The following DIPK2B variants were observed in gnomAD, a reference collection of about 807,000 sequenced individuals.
The protein encoded by DIPK2B is divergent protein kinase domain 2B, also known as UPF0672 protein CXorf36.
In DIPK2B, 15 loss-of-function variants were observed where a neutral mutation model predicts 22.2. The observed-to-expected ratio is 0.68, with a 90% CI of 0.45 to 1.04. The LOEUF (loss-of-function observed/expected upper bound fraction) is 1.04. DIPK2B is among the 50% of genes least tolerant of loss of function. DIPK2B has a pLI of 0.00. For synonymous variants in DIPK2B, 163 were observed against 153.2 expected (o/e 1.06, Z -0.47); for missense variants, 345 against 348.3 (o/e 0.99, Z 0.08).
intron 2 of DIPK2B, among the ~76,000 whole-genome samples, chrX:45,187,938 T>C (rs2047192663): frequency 9.0e-6 from 1 of 111,168 alleles, no homozygotes; most frequent in Non-Finnish European, 1.9e-5. Flanking sequence ...TAGATCCCAG[T>C]TGGAAAACGG....
chrX:45,190,193 T>C (rs1016681473), intron 2 of DIPK2B, among the ~76,000 whole-genome samples: 7 of 112,269 alleles, frequency 6.2e-5, no homozygotes, highest in Admixed American at 1.9e-4. Flanking sequence ...TTTTCTGTCA[T>C]TTGAGAAATA....
At chrX:45,173,513 T>C (rs1309016904) in intron 2 of DIPK2B, among the ~76,000 whole-genome samples, 2 of 75,308 alleles carry the variant, frequency 2.7e-5, no homozygotes, top group African/African-American at 1.5e-4. Flanking sequence ...CTTTCTTTCT[T>C]TTTCTTTCTT....
chrX:45,172,372 A>G (rs1047562869), intron 2 of DIPK2B, among the ~76,000 whole-genome samples: 1 of 111,621 alleles, frequency 9.0e-6, no homozygotes, highest in African/African-American at 3.3e-5. Context: ...ACGTAGCAGT[A>G]GCCCAGGTCA....
At chrX:45,173,930 C>T (rs2047102121) in intron 2 of DIPK2B, among the ~76,000 whole-genome samples, 1 of 111,420 alleles carries the variant, frequency 9.0e-6, no homozygotes, top group African/African-American at 3.3e-5. Flanking sequence ...TGCCCTCATT[C>T]CTCTGCACCC....
chrX:45,155,428 A>AT (rs2148333451), intron 3 of DIPK2B, among the ~76,000 whole-genome samples: 1 of 83,459 alleles, frequency 1.2e-5, no homozygotes, highest in Non-Finnish European at 2.3e-5. Context: ...GTCTCAAAAA[A>AT]AAAATATATA....
chrX:45,183,441 C>A (rs1057333094), intron 2 of DIPK2B: 2 of 111,991 alleles, frequency 1.8e-5, no homozygotes, highest in African/African-American at 6.5e-5. Context: ...CATGAAAATC[C>A]ATTTCTGATA....
rs1297948431 is a variant in DIPK2B, at chrX:45,157,853, C to T, written c.534G>A (p.Gln178=). 1 of 1,164,616 alleles carries T rather than the reference C, an allele frequency of 8.6e-7. No homozygotes were observed. The highest frequency in any genetic ancestry group is 1.9e-5 in the South Asian group (1 of 52,545). The change falls in exon 3 of 5, where the codon CAG becomes CAA. Residue 178 remains glutamine (Q), a synonymous_variant. Coordinates refer to ENST00000398000, the MANE Select transcript of DIPK2B (RefSeq NM_176819.4). The part of the protein sequence containing the change: ...LASPLLRCPS[Q]RLLDRVVRRY... ...GCCTGACCACGCGATCCAGGAGTCG[C>T]TGCGAAGGGCAGCGCAGGAGCGGGC...
In DIPK2B at chrX:45,154,136, G is replaced by A. The variant is rs758307048; in HGVS notation, c.735C>T (p.Leu245=). The A allele has an allele frequency of 1.2e-5, 15 of 1,208,305 alleles. No individual in the cohort carries two copies. The highest frequency in any genetic ancestry group is 8.9e-5 in the East Asian group (3 of 33,707). The change falls in exon 4 of 5, where the codon CTC becomes CTT. Residue 245 remains leucine (L), a synonymous_variant. Coordinates refer to ENST00000398000, the MANE Select transcript of DIPK2B (RefSeq NM_176819.4). The part of the protein sequence containing the change: ...PKYLGSCGRF[L]VSTSTRPLQE... The stretch of plus-strand genomic sequence containing the variant: ...GCAGCGGTCTGGTGCTGGTGCTGAC[G>A]AGGAATCTGCCACAGGAGCCCAGGT...
At chrX:45,153,487 T>A (rs948452066) in intron 4 of DIPK2B, among the ~76,000 whole-genome samples, 1 of 101,110 alleles carries the variant, frequency 9.9e-6, no homozygotes, top group African/African-American at 3.8e-5. Flanking sequence ...TGTGTGTGTG[T>A]GTGTGTGTGT....
intron 3 of DIPK2B, among the ~76,000 whole-genome samples, chrX:45,155,961 C>CTTTTTTTTTTTTTTTTTTTTTTTTTTT (rs757375184): frequency 1.8e-5 from 1 of 55,255 alleles, no homozygotes. Flanking sequence ...AAGGGGACCT[C>CTTTTTTTTTTTTTTTTTTTTTTTTTTT]TTTTTTTTTT....
intron 1 of DIPK2B, among the ~76,000 whole-genome samples, chrX:45,196,735 G>C (rs954569566): frequency 9.0e-6 from 1 of 110,525 alleles, no homozygotes; most frequent in African/African-American, 3.3e-5. Context: ...TGACCAACCA[G>C]ATCATGGGAG....
chrX:45,165,890 G>A (rs1002005482), intron 2 of DIPK2B, among the ~76,000 whole-genome samples: 7 of 111,291 alleles, frequency 6.3e-5, no homozygotes, highest in African/African-American at 2.0e-4. Context: ...ACATTAGTAC[G>A]TATCATTGTC....
At chrX:45,170,296 G>A (rs767430774) in intron 2 of DIPK2B, among the ~76,000 whole-genome samples, 57 of 107,951 alleles carry the variant, frequency 5.3e-4, no homozygotes, top group African/African-American at 1.9e-3. Flanking sequence ...GAAAGAGGAT[G>A]CCCCAGCCCA....
chrX:45,172,351 G>C (rs772435347), intron 2 of DIPK2B, among the ~76,000 whole-genome samples: 2 of 111,629 alleles, frequency 1.8e-5, no homozygotes, highest in Non-Finnish European at 3.8e-5. Flanking sequence ...ACAGTGTCAT[G>C]CATGGTATCT....
intron 2 of DIPK2B, among the ~76,000 whole-genome samples, chrX:45,160,342 G>A: frequency 9.1e-6 from 1 of 110,352 alleles, no homozygotes; most frequent in East Asian, 2.9e-4. Context: ...CAAGTAGCTG[G>A]GATTACAGGC....
intron 2 of DIPK2B, among the ~76,000 whole-genome samples, chrX:45,178,773 C>T (rs1448228719): frequency 1.8e-5 from 2 of 111,444 alleles, no homozygotes; most frequent in African/African-American, 6.5e-5. Flanking sequence ...TAGGGTAGGC[C>T]TCTAGAGACC....
chrX:45,177,671 G>A (rs1459444784), intron 2 of DIPK2B, among the ~76,000 whole-genome samples: 1 of 110,853 alleles, frequency 9.0e-6, no homozygotes, highest in Non-Finnish European at 1.9e-5. Context: ...CCAGCCTCAG[G>A]CATTCCTTCG....
chrX:45,154,688 T>C (rs1158391848), intron 3 of DIPK2B, among the ~76,000 whole-genome samples: 2 of 112,000 alleles, frequency 1.8e-5, no homozygotes, highest in Admixed American at 9.5e-5. Flanking sequence ...TTCAGGGAAA[T>C]ATGTTTAAGA....
At chrX:45,154,245 G>GCT (rs751936484) in intron 3 of DIPK2B, 47 bp from the exon 4 acceptor site, 2 of 1,057,518 alleles carry the variant, frequency 1.9e-6, no homozygotes, top group African/African-American at 3.8e-5. Context: ...TCTGGTGACA[G>GCT]CTCTCTATCT....
Sources: gnomAD v4.1 joint callset for allele counts (sites outside exome capture counted in the v4.1 genomes callset) on GRCh38, gnomAD v4.1.1 for gene constraint, MANE v1.5 for transcripts, NCBI Gene and HGNC (gene_info 2026-07-23, HGNC 2026-07-21) for gene names.